The following AK5 variants were observed in gnomAD, a reference collection of about 807,000 sequenced individuals.
The protein encoded by AK5 is adenylate kinase 5, also known as adenylate kinase isoenzyme 5.
A neutral mutation model predicts 69.5 loss-of-function variants in AK5; 27 were observed. The observed-to-expected ratio is 0.39, with a 90% CI of 0.29 to 0.54. AK5 has a LOEUF of 0.54. Among genes scored for constraint, AK5 ranks in the 20% least tolerant of loss-of-function variants. AK5 has a pLI of 0.71. For synonymous variants in AK5, 260 were observed against 244.4 expected (o/e 1.06, Z -0.60); for missense variants, 531 against 700.4 (o/e 0.76, Z 2.73).
chr1:77,540,019 G>C (rs1659182535), intron 13 of AK5, among the ~76,000 whole-genome samples: 1 of 152,176 alleles, frequency 6.6e-6, no homozygotes, highest in Non-Finnish European at 1.5e-5. Flanking sequence ...TAGGCCACAA[G>C]CACCGCCCTC....
intron 2 of AK5, among the ~76,000 whole-genome samples, chr1:77,289,898 A>G (rs1160118247): frequency 1.3e-5 from 2 of 151,072 alleles, no homozygotes; most frequent in Non-Finnish European, 2.9e-5. Context: ...AGTCAATTAC[A>G]AATTTTGTAA....
chr1:77,347,887 C>T (rs993060513), intron 6 of AK5, among the ~76,000 whole-genome samples: 1 of 152,142 alleles, frequency 6.6e-6, no homozygotes, highest in South Asian at 2.1e-4. Context: ...CACTTCCAGT[C>T]GTCTTCACAC....
chr1:77,341,609 C>G (rs1661657260), intron 6 of AK5, among the ~76,000 whole-genome samples: 2 of 152,242 alleles, frequency 1.3e-5, no homozygotes, highest in African/African-American at 2.4e-5. Flanking sequence ...GGTTAAAACT[C>G]TCTTCATTAG....
At chr1:77,359,294 T>C (rs1463360611) in intron 6 of AK5, among the ~76,000 whole-genome samples, 1 of 151,938 alleles carries the variant, frequency 6.6e-6, no homozygotes, top group African/African-American at 2.4e-5. Flanking sequence ...CCATTAAGAT[T>C]CTATTAATTT....
chr1:77,407,750 A>G (rs1649755905), intron 6 of AK5, among the ~76,000 whole-genome samples: 1 of 152,172 alleles, frequency 6.6e-6, no homozygotes, highest in South Asian at 2.1e-4. Flanking sequence ...CACAGTACCC[A>G]ATAGATAGTT....
rs1660335730 is a variant in AK5 at position 77,559,651 on chromosome 1, C to T, written c.*981C>T. ...GTTCAATGTGTTTGTTTCATATGGG[C>T]CCTTTCCAGGAGTTTGCAAACCTTG... On this transcript the variant is annotated 3_prime_UTR_variant, in exon 14 of 14. Coordinates refer to ENST00000354567, the MANE Select transcript of AK5 (RefSeq NM_174858.3). 1 of 152,120 alleles carries T rather than the reference C, an allele frequency of 6.6e-6. No homozygotes were observed. Among genetic ancestry groups the T allele is most frequent in the Non-Finnish European group, 1.5e-5 (1 of 68,016 alleles). 9.4% of individuals were successfully genotyped at this position (152,120 alleles called of 1,614,324 possible). A position where few individuals can be genotyped will look rare whatever the true frequency, so the allele number is the denominator to read the frequency against.
rs760252009 is a variant in AK5, at chr1:77,315,840, C to T, written c.699+17893C>T. ...CTTTTTGCACCCCAATTTATCATCT[C>T]GAGCCATCCTCCTGGATGTGTGCAC... is the stretch of plus-strand genomic sequence containing the variant. On this transcript the variant is annotated intron_variant, in intron 5 of 13. Coordinates refer to ENST00000354567, the MANE Select transcript of AK5 (RefSeq NM_174858.3). 3.3e-5 allele frequency among the ~76,000 whole-genome samples: 5 copies of T among 151,404 alleles called. 1 individual carries two copies. The highest frequency in any genetic ancestry group is 1.2e-4 in the African/African-American group (5 of 40,758).
At chr1:77,408,275 C>G (rs1649794020) in intron 6 of AK5, among the ~76,000 whole-genome samples, 1 of 152,204 alleles carries the variant, frequency 6.6e-6, no homozygotes, top group Admixed American at 6.5e-5. Context: ...TTCCTTTTCT[C>G]TGCAGCCTCT....
At chr1:77,450,831 ACT>A (rs1287784539) in intron 8 of AK5, among the ~76,000 whole-genome samples, 2 of 152,266 alleles carry the variant, frequency 1.3e-5, no homozygotes, top group East Asian at 3.9e-4. Flanking sequence ...CAAGCATAAT[ACT>A]CTTTGATTTC....
intron 6 of AK5, among the ~76,000 whole-genome samples, chr1:77,410,250 T>A (rs1289808153): frequency 6.6e-6 from 1 of 151,954 alleles, no homozygotes; most frequent in Non-Finnish European, 1.5e-5. Context: ...TAGTATAGTA[T>A]CTGAAATTTG....
At chr1:77,491,304 A>ATTTTTTTTTTTTTTT (rs10700619) in intron 10 of AK5, among the ~76,000 whole-genome samples, 1 of 87,390 alleles carries the variant, frequency 1.1e-5, no homozygotes, top group Admixed American at 1.6e-4. Flanking sequence ...CATGAATTGA[A>ATTTTTTTTTTTTTTT]TTTTTTTTTT....
intron 5 of AK5, among the ~76,000 whole-genome samples, chr1:77,324,027 C>T (rs1570378855): frequency 6.6e-6 from 1 of 152,208 alleles, no homozygotes; most frequent in African/African-American, 2.4e-5. Context: ...GCTGCTGCTG[C>T]AGCCAACAGA....
intron 6 of AK5, among the ~76,000 whole-genome samples, chr1:77,366,499 T>G (rs990312180): frequency 1.3e-5 from 2 of 152,162 alleles, no homozygotes; most frequent in African/African-American, 2.4e-5. Flanking sequence ...GAGTGATAGA[T>G]CCAGAATTTG....
At chr1:77,357,303 C>G (rs1261688453) in intron 6 of AK5, among the ~76,000 whole-genome samples, 14 of 152,122 alleles carry the variant, frequency 9.2e-5, no homozygotes, top group Non-Finnish European at 4.4e-5. Flanking sequence ...TGGCAAGTCT[C>G]TTAATCTCTC....
chr1:77,474,018 G>T (rs925461981), intron 8 of AK5, among the ~76,000 whole-genome samples: 2 of 152,176 alleles, frequency 1.3e-5, no homozygotes, highest in South Asian at 4.1e-4. Context: ...AGGCAAAGGG[G>T]AAGGCATTCC....
At chr1:77,435,658 A>AAAG (rs1047795804) in intron 8 of AK5, among the ~76,000 whole-genome samples, 6 of 152,104 alleles carry the variant, frequency 3.9e-5, no homozygotes, top group African/African-American at 1.4e-4. Context: ...AAAAAAAAAA[A>AAAG]AAGAAGCTGC....
chr1:77,494,984 A>G (rs1162125078), intron 10 of AK5, among the ~76,000 whole-genome samples: 1 of 151,878 alleles, frequency 6.6e-6, no homozygotes, highest in Non-Finnish European at 1.5e-5. Flanking sequence ...GGGTTTCACC[A>G]TGTTAGCCAG....
chr1:77,395,166 G>A (rs1195394963), intron 6 of AK5, among the ~76,000 whole-genome samples: 1 of 152,064 alleles, frequency 6.6e-6, no homozygotes, highest in Admixed American at 6.5e-5. Context: ...GAAGAAAAGG[G>A]GTCCTGCAAA....
chr1:77,439,739 T>C (rs1023491349), intron 8 of AK5, among the ~76,000 whole-genome samples: 5 of 151,964 alleles, frequency 3.3e-5, no homozygotes, highest in African/African-American at 1.2e-4. Flanking sequence ...TTATATAAAA[T>C]TTGGCCATAA....
Sources: gnomAD v4.1 joint callset for allele counts (sites outside exome capture counted in the v4.1 genomes callset) on GRCh38, gnomAD v4.1.1 for gene constraint, MANE v1.5 for transcripts, NCBI Gene and HGNC (gene_info 2026-07-23, HGNC 2026-07-21) for gene names.